The following DPP8 variants were observed in gnomAD, a reference collection of about 807,000 sequenced individuals.
DPP8 encodes dipeptidyl peptidase 8, also known as DPP VIII.
In DPP8, 31 loss-of-function variants were observed where a neutral mutation model predicts 107.5. That is an observed-to-expected ratio of 0.29 (90% confidence interval 0.22 to 0.39). The LOEUF is 0.39. Among genes scored for constraint, DPP8 ranks in the 10% least tolerant of loss-of-function variants. DPP8 has a pLI of 1.00. For missense variants in DPP8, 842 were observed against 1,076.1 expected (o/e 0.78, Z 3.04); for synonymous variants, 381 against 356.6 (o/e 1.07, Z -0.77).
intron 3 of DPP8, chr15:65,502,912 A>C (rs1407234524): frequency 1.3e-5 from 2 of 152,204 alleles, no homozygotes; most frequent in African/African-American, 4.8e-5. Flanking sequence ...GGGAAACTGT[A>C]AAACACTGTT....
At chr15:65,496,762 TCCCTCA>T (rs1042953755) in intron 5 of DPP8, among the ~76,000 whole-genome samples, 10 of 150,460 alleles carry the variant, frequency 6.6e-5, no homozygotes, top group African/African-American at 2.2e-4. Flanking sequence ...GTGATCCTCC[TCCCTCA>T]GTCTCCTAAG....
intron 15 of DPP8, chr15:65,459,059 G>T (rs1334642976): frequency 3.3e-5 from 5 of 150,978 alleles, no homozygotes; most frequent in Non-Finnish European, 1.5e-5. Flanking sequence ...AAAAGGCGGG[G>T]GGGGTCTTGC....
At chr15:65,449,232 A>T (rs1025814214) in intron 19 of DPP8, among the ~76,000 whole-genome samples, 7 of 144,440 alleles carry the variant, frequency 4.8e-5, no homozygotes, top group African/African-American at 1.8e-4. Context: ...AATAAAAATA[A>T]ATATATATAT....
chr15:65,463,096 ATC>A, intron 15 of DPP8, among the ~76,000 whole-genome samples: 1 of 152,364 alleles, frequency 6.6e-6, no homozygotes, highest in East Asian at 1.9e-4. Context: ...TTCTAAAAAT[ATC>A]TGTTAAGACT....
rs2071049855 is a variant in DPP8 at position 65,513,378 on chromosome 15, A to T, written c.-11-814T>A. On this transcript the variant is annotated intron_variant, in intron 1 of 19. Transcript: ENST00000300141. ...CAGGCATGCACCACAACGCCCGGCTAATTTTTTGTATTTTTAGTAGAGATG... is the reference window on the plus strand; with the variant it reads ...CAGGCATGCACCACAACGCCCGGCTTATTTTTTGTATTTTTAGTAGAGATG... Among the ~76,000 whole-genome samples, 2 of 152,084 alleles carry T rather than the reference A, an allele frequency of 1.3e-5. 1 individual carries two copies. The highest frequency in any genetic ancestry group is 4.1e-4 in the South Asian group (2 of 4,824).
chr15:65,463,903 G>C lies in DPP8; in HGVS notation c.1829C>G (p.Pro610Arg), dbSNP rs1267764700. 1 of 1,567,678 alleles carries C rather than the reference G, an allele frequency of 6.4e-7. No individual in the cohort carries two copies. The highest frequency in any genetic ancestry group is 8.6e-7 in the Non-Finnish European group (1 of 1,161,798). ...FWATILDSAG[P>R]LPDYTPPEIF... ...TTCTGGAGGAGTATAGTCAGGAAGA[G>C]GACCTGTGAATAGGTAACATAACAG... is the stretch of plus-strand genomic sequence containing the variant. Residue 610 changes from proline to arginine, a missense_variant, in exon 15 of 20, where the codon CCT (proline) becomes CGT (arginine). This residue lies in a region of DPP8 where 663 missense variants were observed against 758.0 expected (regional missense o/e 0.87). Transcript: ENST00000300141.
At chr15:65,480,620 T>C (rs1394198560) in intron 9 of DPP8, among the ~76,000 whole-genome samples, 2 of 152,140 alleles carry the variant, frequency 1.3e-5, no homozygotes, top group Admixed American at 6.6e-5. Flanking sequence ...TCCAAAACCA[T>C]AGTTGGCCTG....
At chr15:65,511,055 T>C (rs1458431631) in intron 2 of DPP8, among the ~76,000 whole-genome samples, 1 of 152,182 alleles carries the variant, frequency 6.6e-6, no homozygotes, top group Non-Finnish European at 1.5e-5. Context: ...TTCAGTAATA[T>C]CAATCAAAAT....
At position 65,478,881 on chromosome 15, in the gene DPP8, T is replaced by C. The variant is rs1204295930; in HGVS notation, c.1455A>G (p.Pro485=). ...TTTAAAATAAAATGGATTTCTTACTTGGAGCAGGCAGCCCACCACTGGATC... is the reference window on the plus strand; with the variant it reads ...TTTAAAATAAAATGGATTTCTTACTCGGAGCAGGCAGCCCACCACTGGATC... ...YKRSSGGLPA[P]SDFKCPIKEE... Residue 485 remains proline, a splice_region_variant and synonymous_variant, in exon 11 of 20, where the codon CCA becomes CCG. Transcript: ENST00000300141. 7.1e-6 allele frequency: 11 copies of C among 1,555,094 alleles called. No homozygotes were observed. The Admixed American group carries it at 2.4e-4, about 34-fold the overall frequency.
At position 65,444,812 on chromosome 15, in the gene DPP8, TA is replaced by T. The variant is rs2063431134; in HGVS notation, c.*2071del. On this transcript the variant is annotated 3_prime_UTR_variant, in exon 20 of 20. Coordinates refer to ENST00000300141, the MANE Select transcript of DPP8 (RefSeq NM_130434.5). The stretch of plus-strand genomic sequence containing the variant: ...GAGAGGTTTCAATGGAGTAGCTGCT[TA>T]AAAGCTACTGTATACCATTTCTACT... 1 of 152,166 alleles carries T rather than the reference TA, an allele frequency of 6.6e-6. No individual in the cohort carries two copies. The highest frequency in any genetic ancestry group is 2.4e-5 in the African/African-American group (1 of 41,436). 9.4% of individuals were successfully genotyped at this position (152,166 alleles called of 1,614,324 possible).
chr15:65,508,819 T>C (rs546419598), intron 2 of DPP8, among the ~76,000 whole-genome samples: 1 of 151,032 alleles, frequency 6.6e-6, no homozygotes, highest in Non-Finnish European at 1.5e-5. Flanking sequence ...GCCACTGCAC[T>C]CCAGCCTGGG....
chr15:65,516,946 CAGGAA>C (rs1237386172), intron 1 of DPP8: 2 of 152,596 alleles, frequency 1.3e-5, no homozygotes, highest in Admixed American at 1.3e-4. Flanking sequence ...ACAGGTGTGG[CAGGAA>C]AGGAAAGTGT....
intron 3 of DPP8, 106 bp downstream of exon 3, chr15:65,507,137 A>AT (rs564841075): frequency 3.9e-5 from 22 of 568,314 alleles, no homozygotes; most frequent in Middle Eastern, 3.6e-4. Flanking sequence ...AAACATCTTA[A>AT]TTTTTTTTAT....
At chr15:65,454,168 T>C (rs958446332) in intron 17 of DPP8, 95 bp downstream of exon 17, 2 of 998,014 alleles carry the variant, frequency 2.0e-6, no homozygotes, top group Non-Finnish European at 2.7e-6. Context: ...TTGCCAACTC[T>C]GTAAACCTTC....
intron 10 of DPP8, among the ~76,000 whole-genome samples, chr15:65,479,662 G>A (rs1408040825): frequency 6.6e-6 from 1 of 151,552 alleles, no homozygotes; most frequent in Non-Finnish European, 1.5e-5. Context: ...GGCTAACAAG[G>A]TGAAACCCCG....
chr15:65,483,365 A>T (rs2067106818), intron 8 of DPP8, among the ~76,000 whole-genome samples: 1 of 151,872 alleles, frequency 6.6e-6, no homozygotes, highest in Non-Finnish European at 1.5e-5. Context: ...TCGCTACGAA[A>T]AATAAAATTA....
At chr15:65,507,513 C>T (rs1024804315) in intron 2 of DPP8, among the ~76,000 whole-genome samples, 158 bp from the exon 3 acceptor site, 13 of 151,856 alleles carry the variant, frequency 8.6e-5, no homozygotes, top group Non-Finnish European at 1.9e-4. Context: ...ATGCCATATG[C>T]CATAAAAATT....
intron 12 of DPP8, among the ~76,000 whole-genome samples, chr15:65,470,255 G>C (rs2065756844): frequency 6.7e-6 from 1 of 148,668 alleles, no homozygotes; most frequent in African/African-American, 2.5e-5. Context: ...GGTGGGAACA[G>C]TCACTTGTAA....
intron 3 of DPP8, among the ~76,000 whole-genome samples, chr15:65,503,385 C>A (rs552021789): frequency 2.0e-5 from 3 of 152,064 alleles, no homozygotes; most frequent in Admixed American, 6.6e-5. Context: ...GGATTACAGG[C>A]GTGAGCCACC....
Sources: allele counts gnomAD v4.1 joint callset (sites outside exome capture counted in the v4.1 genomes callset), GRCh38; gene constraint gnomAD v4.1.1; regional missense constraint gnomAD v4.1.1; transcripts MANE v1.5; gene names NCBI Gene and HGNC (gene_info 2026-07-23, HGNC 2026-07-21).